UPF3A: variants seen among roughly 807,000 people sequenced by gnomAD.
The protein encoded by UPF3A is UPF3A regulator of nonsense mediated mRNA decay.
Under a neutral mutation model 53.5 loss-of-function variants are expected in UPF3A, and 42 were observed. The ratio of observed to expected loss-of-function variants is 0.78; its 90% CI spans 0.61 to 1.01. The LOEUF (loss-of-function observed/expected upper bound fraction) is 1.01, where lower values mean the gene tolerates loss of function less well. UPF3A is among the 50% of genes least tolerant of loss of function. The pLI is 0.00. For missense variants in UPF3A, 575 were observed against 598.0 expected, an observed-to-expected ratio of 0.96 and a Z score of 0.40; for synonymous variants, 237 against 225.3, an observed-to-expected ratio of 1.05 and a Z score of -0.47.
In UPF3A at chr13:114,282,046, G is replaced by A. The variant is rs779532379; in HGVS notation, c.233G>A (p.Gly78Asp). 18 of 1,570,386 alleles carry A rather than the reference G, an allele frequency of 1.1e-5. No homozygotes were observed. In the South Asian group the frequency reaches 1.6e-4, roughly 14 times the overall value. The change falls in exon 2 of 10, where the codon GGC becomes GAC. Residue 78 changes from glycine to aspartate, a missense_variant. This residue lies in a region of UPF3A where 252 missense variants were observed against 182.7 expected (regional missense o/e 1.38). Coordinates refer to ENST00000375299, the MANE Select transcript of UPF3A (RefSeq NM_023011.4). ...GTGGTCATCCGCCGCCTGCCTCCGG[G>A]CCTCACCAAGGAGCAGCTGGAGGAG... ...SKVVIRRLPP[G>D]LTKEQLEEQL... is the part of the protein sequence containing the mutation.
intron 9 of UPF3A, 76 bp downstream of exon 9, chr13:114,302,101 C>T (rs1398595618): frequency 7.3e-7 from 1 of 1,367,448 alleles, no homozygotes; most frequent in African/African-American, 1.5e-5. Context: ...ATGTCACCCC[C>T]ACTTGGCCTT....
At chr13:114,285,388 T>C (rs891635529) in intron 3 of UPF3A, 1 of 152,366 alleles carries the variant, frequency 6.6e-6, no homozygotes, top group Admixed American at 6.5e-5. Flanking sequence ...CACTGTGTGC[T>C]AGGCCTTGTG....
At chr13:114,304,671 C>A in intron 9 of UPF3A, 118 bp from the exon 10 acceptor site, 1 of 1,396,370 alleles carries the variant, frequency 7.2e-7, no homozygotes, top group African/African-American at 1.4e-5. Context: ...TGATTTTTAG[C>A]TGCCTAGTTG....
intron 3 of UPF3A, chr13:114,285,726 C>T (rs1355229640): frequency 6.6e-6 from 1 of 152,278 alleles, no homozygotes; most frequent in African/African-American, 2.4e-5. Flanking sequence ...AAGCAGATTT[C>T]ACCTGGAATA....
At chr13:114,283,583 A>T (rs929431562) in intron 3 of UPF3A, 1 of 208,042 alleles carries the variant, frequency 4.8e-6, no homozygotes, top group Non-Finnish European at 8.4e-6. Context: ...ACCTGATAGG[A>T]ATTTTCCAAA....
chr13:114,300,966 A>G (rs781122491), intron 8 of UPF3A, among the ~76,000 whole-genome samples: 4 of 146,406 alleles, frequency 2.7e-5, no homozygotes, highest in African/African-American at 1.1e-4. Context: ...ACATGCCACC[A>G]CACCTGGCTA....
chr13:114,283,089 T>A, intron 3 of UPF3A, 146 bp downstream of exon 3: 1 of 606,170 alleles, frequency 1.6e-6, no homozygotes, highest in East Asian at 3.1e-5. Flanking sequence ...GCAGCCGCAA[T>A]CACGGCTCAC....
intron 5 of UPF3A, among the ~76,000 whole-genome samples, chr13:114,288,527 G>A (rs1309478724): frequency 2.6e-5 from 4 of 152,236 alleles, no homozygotes; most frequent in Non-Finnish European, 5.9e-5. Flanking sequence ...ACACATGGGT[G>A]AGGGCAGCGT....
intron 7 of UPF3A, among the ~76,000 whole-genome samples, chr13:114,293,987 T>C (rs1414007651): frequency 6.6e-6 from 1 of 152,120 alleles, no homozygotes; most frequent in Non-Finnish European, 1.5e-5. Flanking sequence ...TCCCACTATA[T>C]TGCCCAGGCT....
chr13:114,288,153 A>G (rs1410724361), intron 5 of UPF3A, among the ~76,000 whole-genome samples: 1 of 152,240 alleles, frequency 6.6e-6, no homozygotes, highest in Non-Finnish European at 1.5e-5. Context: ...CTGAGGCTGC[A>G]TGCTGCCTGG....
At chr13:114,298,100 G>T (rs867911937) in intron 7 of UPF3A, among the ~76,000 whole-genome samples, 1 of 152,166 alleles carries the variant, frequency 6.6e-6, no homozygotes, top group Non-Finnish European at 1.5e-5. Context: ...GGCTGGGCAC[G>T]GTGGCTCACG....
intron 7 of UPF3A, among the ~76,000 whole-genome samples, chr13:114,293,071 CA>C (rs1164617444): frequency 0.2 from 9,928 of 49,726 alleles, 605 homozygotes; most frequent in African/African-American, 0.34. Flanking sequence ...GACTCCCTCT[CA>C]AAAAAAAAAA....
At chr13:114,292,846 G>A (rs763478942) in intron 7 of UPF3A, among the ~76,000 whole-genome samples, 7 of 151,520 alleles carry the variant, frequency 4.6e-5, no homozygotes, top group Non-Finnish European at 1.0e-4. Context: ...AGGCTGAGGC[G>A]GGCAGATCAC....
chr13:114,291,887 T>C, intron 7 of UPF3A, 95 bp downstream of exon 7: 2 of 1,382,656 alleles, frequency 1.4e-6, no homozygotes, highest in Non-Finnish European at 2.0e-6. Flanking sequence ...TTTGAAAACA[T>C]TCTGAATTAA....
At chr13:114,295,168 T>C (rs1408751741) in intron 7 of UPF3A, among the ~76,000 whole-genome samples, 1 of 151,240 alleles carries the variant, frequency 6.6e-6, no homozygotes, top group East Asian at 1.9e-4. Flanking sequence ...AGCTGTTTAA[T>C]GTTCCTCTGA....
At chr13:114,297,994 C>T (rs932885455) in intron 7 of UPF3A, among the ~76,000 whole-genome samples, 24 of 151,890 alleles carry the variant, frequency 1.6e-4, no homozygotes, top group African/African-American at 5.6e-4. Context: ...GACGACAGAG[C>T]GAGACTCCAT....
intron 7 of UPF3A, among the ~76,000 whole-genome samples, chr13:114,292,376 T>C (rs370920570): frequency 1.4e-5 from 2 of 144,770 alleles, no homozygotes; most frequent in African/African-American, 5.2e-5. Context: ...GCAGGTGTGT[T>C]ACGTGTTCAT....
At chr13:114,283,062 G>T in intron 3 of UPF3A, 119 bp downstream of exon 3, 2 of 801,522 alleles carry the variant, frequency 2.5e-6, no homozygotes, top group Non-Finnish European at 3.8e-6. Flanking sequence ...TTGCTCTGTT[G>T]CCCAGGCTGG....
chr13:114,294,800 G>T (rs1251496269), intron 7 of UPF3A, among the ~76,000 whole-genome samples: 1 of 151,612 alleles, frequency 6.6e-6, no homozygotes, highest in Non-Finnish European at 1.5e-5. Context: ...ACTCCAGCCT[G>T]GGCGACAGAG....
Sources: gnomAD v4.1 joint callset for allele counts (sites outside exome capture counted in the v4.1 genomes callset) on GRCh38, gnomAD v4.1.1 for gene constraint, gnomAD v4.1.1 regional missense constraint, MANE v1.5 for transcripts, NCBI Gene and HGNC (gene_info 2026-07-23, HGNC 2026-07-21) for gene names.